INSRR: variants seen among roughly 807,000 people sequenced by gnomAD.
INSRR encodes the protein insulin receptor-related protein.
INSRR carries 114 observed loss-of-function variants against 130.0 expected under a neutral mutation model. The observed-to-expected ratio is 0.88, with a 90% CI of 0.75 to 1.02. INSRR has a LOEUF of 1.02. Ranked by LOEUF, INSRR falls within the 50% of genes least tolerant of loss-of-function variation. The pLI is 0.00. For synonymous variants in INSRR, 674 were observed against 705.2 expected (o/e 0.96, Z 0.70); for missense variants, 1,657 against 1,735.2 (o/e 0.95, Z 0.80).
Position 156,854,163 on chromosome 1 carries a change from G to A in INSRR, c.226C>T (p.Leu76Phe). 6.2e-7 allele frequency: 1 copy of A among 1,614,160 alleles called. No homozygotes were observed. The highest frequency in any genetic ancestry group is 8.5e-7 in the Non-Finnish European group (1 of 1,180,048). The part of the protein sequence containing the change: ...EDFRGLSFPR[L>F]TQVTDYLLLF... ...AGCAGGTAGTCGGTGACCTGGGTGA[G>A]GCGAGGGAAGCTGAGGCCGCGGAAG... Residue 76 changes from leucine (L) to phenylalanine (F), a missense_variant, in exon 2 of 22, where the codon CTC (leucine) becomes TTC (phenylalanine). Coordinates refer to ENST00000368195, the MANE Select transcript of INSRR (RefSeq NM_014215.3). This position sits in a 1 kb window ranked among gnomAD's most constrained non-coding sequence, Gnocchi z 4.2.
In INSRR at chr1:156,858,688, T is replaced by C; in HGVS notation, c.-67A>G. The C allele has an allele frequency of 7.4e-7, 1 of 1,352,896 alleles. No homozygotes were observed. 83.8% of individuals were successfully genotyped at this position (1,352,896 alleles called of 1,614,324 possible). ...GGTGACTCTGGGGAGAACGGTGTGA[T>C]AAGCCCTAAGGGACACAGAGACCAG... On this transcript the variant is annotated 5_prime_UTR_variant, in exon 1 of 22. Transcript: ENST00000368195.
chr1:156,842,973 G>A (rs755069144), intron 17 of INSRR, 31 bp downstream of exon 17: 2 of 1,530,632 alleles, frequency 1.3e-6, no homozygotes, highest in Admixed American at 1.7e-5. Flanking sequence ...CACTAATTAT[G>A]ACCCTGACAA....
rs761481291 is a variant in INSRR, at chr1:156,853,773, T to A, written c.616A>T (p.Thr206Ser). The change falls in exon 2 of 22, where the codon ACC becomes TCC. Residue 206 changes from threonine (T) to serine (S), a missense_variant. Coordinates refer to ENST00000368195, the MANE Select transcript of INSRR (RefSeq NM_014215.3). ...CCACCTCTCTGGCAGTGGCTGGAGG[T>A]CCAGCATCTGTAGTCAGTGTGCCCG... Reference protein sequence around the residue: ...FSGHTDYRCWTSSHCQRVCPC... With the variant: ...FSGHTDYRCWSSSHCQRVCPC... 6.2e-7 allele frequency: 1 copy of A among 1,603,464 alleles called. No homozygotes were observed. The highest frequency in any genetic ancestry group is 1.1e-5 in the South Asian group (1 of 90,674).
rs765598789 is a variant in INSRR at position 156,845,041 on chromosome 1, G to C, written c.2437+35C>G. On this transcript the variant is annotated intron_variant, in intron 12 of 21. Coordinates refer to ENST00000368195, the MANE Select transcript of INSRR (RefSeq NM_014215.3). Reference sequence around the variant, plus strand: ...TTTGCACAGGGTCCTTGGGGTCGGTGATGGGGGTAGAAGGTGTGTGTGTGG... The same window carrying C: ...TTTGCACAGGGTCCTTGGGGTCGGTCATGGGGGTAGAAGGTGTGTGTGTGG... The C allele has an allele frequency of 7.6e-6, 12 of 1,577,386 alleles. No homozygotes were observed. The African/African-American group carries it at 1.2e-4, about 16-fold the overall frequency.
rs761505447 is a variant in INSRR at position 156,844,488 on chromosome 1, C to G, written c.2711G>C (p.Ser904Thr). 6.2e-7 allele frequency: 1 copy of G among 1,614,080 alleles called. No homozygotes were observed. The highest frequency in any genetic ancestry group is 2.2e-5 in the East Asian group (1 of 44,884). The change falls in exon 14 of 22, where the codon AGT (serine) becomes ACT (threonine). Residue 904 changes from serine to threonine, a missense_variant. Ser to Thr is a moderately conservative substitution (Grantham distance 58, BLOSUM62 1). Transcript: ENST00000368195. ...TGGGCCAAGGATGTAGAAGGCAACA[C>G]TGTCTGTCCAAGAGCCATTGCCAGC... ...SLAGNGSWTD[S>T]VAFYILGPEE...
rs924544018 is a variant in INSRR, at chr1:156,841,991, G to A, written c.3397+121C>T. ...GGACAAGAGACTAAGATACAGGGTG[G>A]GGGTGACTTGCCAAGGGTCTCACAG... On this transcript the variant is annotated intron_variant, in intron 19 of 21. Transcript: ENST00000368195. 2.6e-6 allele frequency: 4 copies of A among 1,559,984 alleles called. No homozygotes were observed. In the African/African-American group the frequency reaches 5.4e-5, roughly 21 times the overall value.
rs778757978 is a variant in INSRR, at chr1:156,852,057, A to T, written c.772T>A (p.Cys258Ser). Residue 258 changes from cysteine (C) to serine (S), a missense_variant, in exon 3 of 22, where the codon TGC becomes AGC. By Grantham distance (112) the Cys-to-Ser change is moderately radical (BLOSUM62 -1). Transcript: ENST00000368195. ...GTGCCTGGCGGGCAGGCCCACAGGC[A>T]GGCACCCTGGAAGTAGAGGTGGCGG... is the stretch of plus-strand genomic sequence containing the variant. ...ACRHLYFQGA[C>S]LWACPPGTYQ... is the part of the protein sequence containing the mutation. 4.3e-5 allele frequency: 70 copies of T among 1,613,478 alleles called. No individual in the cohort carries two copies. The Admixed American group carries it at 4.5e-4, about 10-fold the overall frequency.
chr1:156,853,429 G>T (rs551938016), intron 2 of INSRR, among the ~76,000 whole-genome samples: 5 of 152,190 alleles, frequency 3.3e-5, no homozygotes, highest in Non-Finnish European at 7.3e-5. Flanking sequence ...AGGTCCTCTG[G>T]CTTTGGACTT....
intron 1 of INSRR, among the ~76,000 whole-genome samples, chr1:156,858,129 T>A (rs1055099541): frequency 2.6e-5 from 4 of 152,188 alleles, no homozygotes; most frequent in African/African-American, 4.8e-5. Flanking sequence ...TGCAGTTTCC[T>A]GTCGGCAACA....
At position 156,857,040 on chromosome 1, in the gene INSRR, G is replaced by GCC. The variant is rs958246551; in HGVS notation, c.85+1495_85+1496dup. Among the ~76,000 whole-genome samples the GCC allele has an allele frequency of 3.3e-5, 5 of 152,076 alleles. No individual in the cohort carries two copies. In the East Asian group the frequency reaches 9.7e-4, roughly 29 times the overall value. ...ACATGCCACATGCCACGCTATCCAG[G>GCC]CCCCATTCCTGATAGTTTGTTAAGA... On this transcript the variant is annotated intron_variant, in intron 1 of 21. Coordinates refer to ENST00000368195, the MANE Select transcript of INSRR (RefSeq NM_014215.3).
rs766446804 is a variant in INSRR at position 156,845,939 on chromosome 1, C to G, written c.1978+13G>C. ...CCCGCCCCGCGGCCGGCCTGCGCGTCGTCCCTGCGCACCGCGGTGGCAGTA... is the reference window on the plus strand; with the variant it reads ...CCCGCCCCGCGGCCGGCCTGCGCGTGGTCCCTGCGCACCGCGGTGGCAGTA... On this transcript the variant is annotated intron_variant, in intron 9 of 21. Coordinates refer to ENST00000368195, the MANE Select transcript of INSRR (RefSeq NM_014215.3). 4 of 1,608,672 alleles carry G rather than the reference C, an allele frequency of 2.5e-6. No individual in the cohort carries two copies. Among genetic ancestry groups the G allele is most frequent in the Admixed American group, 3.4e-5 (2 of 59,322 alleles).
At position 156,842,279 on chromosome 1, in the gene INSRR, C is replaced by T; in HGVS notation, c.3238-8G>A. 1 of 1,613,918 alleles carries T rather than the reference C, an allele frequency of 6.2e-7. No homozygotes were observed. The highest frequency in any genetic ancestry group is 8.5e-7 in the Non-Finnish European group (1 of 1,179,936). On this transcript the variant is annotated splice_region_variant and splice_polypyrimidine_tract_variant and intron_variant, in intron 18 of 21. Coordinates refer to ENST00000368195, the MANE Select transcript of INSRR (RefSeq NM_014215.3). ...TGGGAGCCCAGGGTTGTTCTAGAGC[C>T]AAGATTGGGGGCTGGTGAGGAAGGA...
chr1:156,847,678 G>A (rs568527364), intron 7 of INSRR, among the ~76,000 whole-genome samples: 77 of 152,108 alleles, frequency 5.1e-4, no homozygotes, highest in Admixed American at 3.9e-3. Context: ...TGGGGGGGTG[G>A]GGGCTCATAG....
At position 156,858,667 on chromosome 1, in the gene INSRR, A is replaced by G; in HGVS notation, c.-46T>C. On this transcript the variant is annotated 5_prime_UTR_variant, in exon 1 of 22. Coordinates refer to ENST00000368195, the MANE Select transcript of INSRR (RefSeq NM_014215.3). Reference sequence around the variant, plus strand: ...TCCAGTCCCGGCTCTCCTCCCGGTGACTCTGGGGAGAACGGTGTGATAAGC... The same window carrying G: ...TCCAGTCCCGGCTCTCCTCCCGGTGGCTCTGGGGAGAACGGTGTGATAAGC... The G allele has an allele frequency of 6.5e-7, 1 of 1,534,702 alleles. No homozygotes were observed. Among genetic ancestry groups the G allele is most frequent in the Non-Finnish European group, 9.0e-7 (1 of 1,107,972 alleles).
chr1:156,851,765 C>G lies in INSRR; in HGVS notation c.965G>C (p.Gly322Ala). The stretch of plus-strand genomic sequence containing the variant: ...TACCTTGCACTCTTTAGGGCACAGC[C>G]CCTCGCACTTGTGGCAGAATATGCT... Reference protein sequence around the residue: ...SSSIFCHKCEGLCPKECKVGT... With the variant: ...SSSIFCHKCEALCPKECKVGT... Residue 322 changes from glycine to alanine, a missense_variant, in exon 4 of 22, where the codon GGG (glycine) becomes GCG (alanine). Gly to Ala is a moderately conservative substitution (Grantham distance 60, BLOSUM62 0). Transcript: ENST00000368195. The G allele has an allele frequency of 6.2e-7, 1 of 1,611,478 alleles. No individual in the cohort carries two copies. Among genetic ancestry groups the G allele is most frequent in the Non-Finnish European group, 8.5e-7 (1 of 1,177,808 alleles).
intron 1 of INSRR, among the ~76,000 whole-genome samples, chr1:156,857,560 C>A (rs1199001512): frequency 6.6e-6 from 1 of 152,186 alleles, no homozygotes; most frequent in East Asian, 1.9e-4. Context: ...ATCTGCTGTG[C>A]AGAAGAGGAG....
In INSRR at chr1:156,845,233, G is replaced by A. The variant is rs748185130; in HGVS notation, c.2280C>T (p.Phe760=). The part of the protein sequence containing the change: ...PLRLGGNSSD[F]EIQEDKVPRE... Reference sequence around the variant, plus strand: ...GGGGCACCTTGTCCTCCTGGATCTCGAAATCCGAGCTGTTGCCCCCCAGCC... The same window carrying A: ...GGGGCACCTTGTCCTCCTGGATCTCAAAATCCGAGCTGTTGCCCCCCAGCC... Residue 760 remains phenylalanine (F), a synonymous_variant, in exon 12 of 22, where the codon TTC becomes TTT. Coordinates refer to ENST00000368195, the MANE Select transcript of INSRR (RefSeq NM_014215.3). 9 of 1,610,200 alleles carry A rather than the reference G, an allele frequency of 5.6e-6. No homozygotes were observed. The highest frequency in any genetic ancestry group is 4.4e-5 in the South Asian group (4 of 90,510).
intron 7 of INSRR, among the ~76,000 whole-genome samples, chr1:156,847,630 T>TA (rs903311294): frequency 1.1e-4 from 16 of 151,934 alleles, no homozygotes; most frequent in African/African-American, 3.9e-4. Context: ...GTGCCTGCCT[T>TA]TGTTGGGACC....
intron 1 of INSRR, among the ~76,000 whole-genome samples, chr1:156,856,266 G>A (rs1172638228): frequency 6.6e-6 from 1 of 152,082 alleles, no homozygotes; most frequent in Non-Finnish European, 1.5e-5. Flanking sequence ...ATAGCTCCTG[G>A]CACAAAGTTG....
Sources: gnomAD v4.1 joint callset for allele counts (sites outside exome capture counted in the v4.1 genomes callset) on GRCh38, gnomAD v4.1.1 for gene constraint, Gnocchi (gnomAD v3.1) non-coding constraint, MANE v1.5 for transcripts, NCBI Gene and HGNC (gene_info 2026-07-23, HGNC 2026-07-21) for gene names.